Variants in UXS1 observed in about 807,000 individuals in gnomAD.
UXS1 encodes UDP-glucuronate decarboxylase 1.
A neutral mutation model predicts 62.6 loss-of-function variants in UXS1; 33 were observed. The observed-to-expected ratio is 0.53, with a 90% CI of 0.40 to 0.70. The LOEUF (loss-of-function observed/expected upper bound fraction) is 0.70. Ranked by LOEUF, UXS1 falls within the 30% of genes least tolerant of loss-of-function variation. The pLI, the probability that UXS1 is intolerant of heterozygous loss-of-function variation, is 0.00. For missense variants in UXS1, 434 were observed against 556.3 expected (o/e 0.78, Z 2.21); for synonymous variants, 213 against 206.8 (o/e 1.03, Z -0.26).
At chr2:106,189,677 C>G (rs1160493447) in intron 1 of UXS1, among the ~76,000 whole-genome samples, 1 of 152,112 alleles carries the variant, frequency 6.6e-6, no homozygotes, top group Non-Finnish European at 1.5e-5. Context: ...GACAACTAGA[C>G]CCGAAAGGAA....
chr2:106,122,379 A>G (rs10185531), intron 9 of UXS1, among the ~76,000 whole-genome samples: 70,184 of 151,948 alleles, frequency 0.46, 16,246 homozygotes, highest in South Asian at 0.56. Flanking sequence ...TGTGTCAGAG[A>G]TAAGAACTGA....
At chr2:106,140,011 T>C (rs1365280810) in intron 6 of UXS1, among the ~76,000 whole-genome samples, 1 of 152,184 alleles carries the variant, frequency 6.6e-6, no homozygotes, top group Non-Finnish European at 1.5e-5. Flanking sequence ...AGTCTTTGTC[T>C]CTAGAACCAG....
chr2:106,165,336 A>G (rs1453872137), intron 2 of UXS1, among the ~76,000 whole-genome samples: 11 of 152,214 alleles, frequency 7.2e-5, no homozygotes. Flanking sequence ...CTGAGGGCAT[A>G]GTAACCTTTT....
At chr2:106,144,139 C>A (rs1251076969) in intron 6 of UXS1, among the ~76,000 whole-genome samples, 1 of 152,208 alleles carries the variant, frequency 6.6e-6, no homozygotes, top group Non-Finnish European at 1.5e-5. Flanking sequence ...CCTCAGTTAA[C>A]CCCACAGCAA....
rs774609216 is a variant in UXS1 at position 106,129,669 on chromosome 2, C to T, written c.577+5G>A. 1.2e-6 allele frequency: 2 copies of T among 1,602,714 alleles called. No homozygotes were observed. The highest frequency in any genetic ancestry group is 1.7e-6 in the Non-Finnish European group (2 of 1,172,314). On this transcript the variant is annotated splice_donor_5th_base_variant and intron_variant, in intron 7 of 14. Coordinates refer to ENST00000283148, the MANE Select transcript of UXS1 (RefSeq NM_001253875.2). ...AGCCAAAAAAACAAGAAAATGACAA[C>T]TTACCCAACATGTTTAATGTCCCAA...
At chr2:106,169,245 A>T (rs145164162) in intron 1 of UXS1, among the ~76,000 whole-genome samples, 117 of 152,296 alleles carry the variant, frequency 7.7e-4, no homozygotes, top group Admixed American at 2.5e-3. Context: ...CTACAGGATT[A>T]AGCTGCTTTA....
intron 10 of UXS1, among the ~76,000 whole-genome samples, chr2:106,106,078 C>A (rs1032253519): frequency 6.6e-6 from 1 of 152,128 alleles, no homozygotes; most frequent in Admixed American, 6.5e-5. Context: ...GAAAAGCACA[C>A]GCATGGCCTG....
intron 6 of UXS1, chr2:106,138,683 T>C: frequency 6.1e-6 from 6 of 985,458 alleles, no homozygotes; most frequent in Non-Finnish European, 7.2e-6. Flanking sequence ...ACTGGACAGG[T>C]CAGTCCCACT....
intron 4 of UXS1, among the ~76,000 whole-genome samples, chr2:106,162,724 C>T (rs17032547): frequency 0.04 from 6,076 of 152,264 alleles, 224 homozygotes; most frequent in African/African-American, 0.09. Flanking sequence ...TTACTGACAA[C>T]TTTTGTTCTG....
At chr2:106,111,699 G>A (rs778425944) in intron 10 of UXS1, among the ~76,000 whole-genome samples, 14 of 152,196 alleles carry the variant, frequency 9.2e-5, no homozygotes, top group Non-Finnish European at 1.6e-4. Context: ...GTGAGCTAAC[G>A]TGATCAACCA....
chr2:106,183,155 T>C (rs1684347423), intron 1 of UXS1, among the ~76,000 whole-genome samples: 2 of 151,644 alleles, frequency 1.3e-5, no homozygotes, highest in South Asian at 2.1e-4. Flanking sequence ...AATAACTTGG[T>C]TCTTTCCCTT....
intron 10 of UXS1, among the ~76,000 whole-genome samples, chr2:106,111,653 G>A (rs1481273299): frequency 2.0e-5 from 3 of 152,170 alleles, no homozygotes; most frequent in Non-Finnish European, 4.4e-5. Flanking sequence ...GAAAAAGGAG[G>A]GGAATAATGT....
At position 106,096,136 on chromosome 2, in the gene UXS1, T is replaced by G. The variant is rs944554144; in HGVS notation, c.1146+582A>C. On this transcript the variant is annotated intron_variant, in intron 14 of 14. Coordinates refer to ENST00000283148, the MANE Select transcript of UXS1 (RefSeq NM_001253875.2). Reference sequence around the variant, plus strand: ...GCAGGCAACTGGGGCTACGCAGGGCTCTGAGCGTGTGCTGCCAGCGCCCTT... The same window carrying G: ...GCAGGCAACTGGGGCTACGCAGGGCGCTGAGCGTGTGCTGCCAGCGCCCTT... Among the ~76,000 whole-genome samples, 3 of 152,178 alleles carry G rather than the reference T, an allele frequency of 2.0e-5. No homozygotes were observed. In the South Asian group the frequency reaches 6.2e-4, roughly 32 times the overall value.
intron 7 of UXS1, among the ~76,000 whole-genome samples, chr2:106,126,968 T>C (rs1323381764): frequency 2.0e-5 from 3 of 152,190 alleles, no homozygotes; most frequent in Non-Finnish European, 4.4e-5. Context: ...TATAATTGTG[T>C]CATTTCAAGG....
At chr2:106,110,284 T>C (rs889635086) in intron 10 of UXS1, among the ~76,000 whole-genome samples, 2 of 152,208 alleles carry the variant, frequency 1.3e-5, no homozygotes, top group Admixed American at 6.5e-5. Flanking sequence ...CTTTTGTCTC[T>C]GGCACAAAAG....
chr2:106,191,113 C>G (rs148715250), intron 1 of UXS1, among the ~76,000 whole-genome samples: 1 of 152,062 alleles, frequency 6.6e-6, no homozygotes, highest in Non-Finnish European at 1.5e-5. Flanking sequence ...GTGGTCAACC[C>G]TAAGACATGA....
At chr2:106,181,026 G>C (rs1039222947) in intron 1 of UXS1, among the ~76,000 whole-genome samples, 1 of 152,208 alleles carries the variant, frequency 6.6e-6, no homozygotes, top group Non-Finnish European at 1.5e-5. Flanking sequence ...CCAAATGAAT[G>C]AATCTCCTTA....
intron 9 of UXS1, among the ~76,000 whole-genome samples, chr2:106,116,716 G>A (rs1679087552): frequency 6.6e-6 from 1 of 152,220 alleles, no homozygotes; most frequent in African/African-American, 2.4e-5. Flanking sequence ...GAGCTGTGGA[G>A]TGGCTTGAGC....
At chr2:106,178,487 T>C (rs559772550) in intron 1 of UXS1, among the ~76,000 whole-genome samples, 1 of 150,316 alleles carries the variant, frequency 6.7e-6, no homozygotes. Context: ...TGTGTATATA[T>C]ATATAAGTAT....
Sources: gnomAD v4.1 joint callset for allele counts (sites outside exome capture counted in the v4.1 genomes callset) on GRCh38, gnomAD v4.1.1 for gene constraint, MANE v1.5 for transcripts, NCBI Gene and HGNC (gene_info 2026-07-23, HGNC 2026-07-21) for gene names.